NR3C2: variants seen among roughly 807,000 people sequenced by gnomAD.
NR3C2 encodes the protein nuclear receptor subfamily 3 group C member 2, also known as mineralocorticoid receptor.
Under a neutral mutation model 86.4 loss-of-function variants are expected in NR3C2, and 15 were observed. That is an observed-to-expected ratio of 0.17 (90% CI 0.12 to 0.27). NR3C2 has a LOEUF of 0.27. NR3C2 is among the 10% of genes least tolerant of loss of function. The probability of loss-of-function intolerance (pLI) is 1.00; values close to 1 mark genes in which losing one functional copy is unlikely to be tolerated. For synonymous variants in NR3C2, 458 were observed against 450.5 expected (o/e 1.02, Z -0.21); for missense variants, 960 against 1,195.6 (o/e 0.80, Z 2.91).
intron 2 of NR3C2, among the ~76,000 whole-genome samples, chr4:148,318,445 C>G (rs376729597): frequency 3.8e-4 from 56 of 148,606 alleles, no homozygotes; most frequent in Admixed American, 1.8e-3. Context: ...CCTGAGGAAT[C>G]GCCACACTGA....
intron 2 of NR3C2, among the ~76,000 whole-genome samples, chr4:148,351,219 C>T (rs559042088): frequency 6.6e-5 from 10 of 152,190 alleles, no homozygotes; most frequent in Non-Finnish European, 1.0e-4. Context: ...AATCTCAGCT[C>T]ACTGCAACCT....
chr4:148,260,086 A>C lies in NR3C2; in HGVS notation c.1789T>G (p.Ser597Ala), dbSNP rs1320886275. ...ACCAAACATATTTTTGAAGGTCTTGAAGATCCAGTAGAAACACTTCGTAAA... is the reference window on the plus strand; with the variant it reads ...ACCAAACATATTTTTGAAGGTCTTGCAGATCCAGTAGAAACACTTCGTAAA... ...STLRSVSTGS[S>A]RPSKICLVCG... The change falls in exon 3 of 9, where the codon TCA becomes GCA. Residue 597 changes from serine to alanine, a missense_variant. By Grantham distance (99) the Ser-to-Ala change is moderately conservative. This residue lies in a region of NR3C2 where 47 missense variants were observed against 107.3 expected (regional missense o/e 0.44). Coordinates refer to ENST00000358102, the MANE Select transcript of NR3C2 (RefSeq NM_000901.5). 3.7e-6 allele frequency: 6 copies of C among 1,613,966 alleles called. No homozygotes were observed. The highest frequency in any genetic ancestry group is 4.2e-6 in the Non-Finnish European group (5 of 1,179,990).
intron 2 of NR3C2, among the ~76,000 whole-genome samples, chr4:148,380,158 G>A (rs111545633): frequency 3.2e-4 from 49 of 152,136 alleles, no homozygotes; most frequent in African/African-American, 1.1e-3. Flanking sequence ...TCACAAAGTT[G>A]TACAACTATT....
At chr4:148,330,675 T>G (rs944354952) in intron 2 of NR3C2, among the ~76,000 whole-genome samples, 2 of 152,200 alleles carry the variant, frequency 1.3e-5, no homozygotes, top group African/African-American at 4.8e-5. Context: ...TATTCAAAGG[T>G]TTACACACGT....
chr4:148,110,401 G>A (rs1731998309), intron 8 of NR3C2, among the ~76,000 whole-genome samples: 2 of 152,198 alleles, frequency 1.3e-5, no homozygotes, highest in Admixed American at 1.3e-4. Context: ...GTTCTTATGT[G>A]TGTGACCCTT....
intron 1 of NR3C2, among the ~76,000 whole-genome samples, chr4:148,438,331 T>C (rs750526318): frequency 3.3e-5 from 5 of 152,334 alleles, no homozygotes; most frequent in East Asian, 3.9e-4. Flanking sequence ...AAAATCACCC[T>C]TGGCTGACAA....
chr4:148,350,056 G>A (rs1022205722), intron 2 of NR3C2, among the ~76,000 whole-genome samples: 37 of 152,286 alleles, frequency 2.4e-4, no homozygotes, highest in Admixed American at 1.8e-3. Flanking sequence ...ATGGTGCTTA[G>A]AAAGTGAGCT....
intron 2 of NR3C2, among the ~76,000 whole-genome samples, chr4:148,342,474 T>C (rs1313924173): frequency 6.6e-6 from 1 of 152,190 alleles, no homozygotes; most frequent in African/African-American, 2.4e-5. Flanking sequence ...GCTCCATACA[T>C]GTATTGTGAT....
chr4:148,154,134 G>A (rs762797289), intron 5 of NR3C2, among the ~76,000 whole-genome samples: 2 of 151,566 alleles, frequency 1.3e-5, no homozygotes, highest in Non-Finnish European at 2.9e-5. Flanking sequence ...TCAGCCTCCT[G>A]AGTAGCTGGG....
chr4:148,321,166 G>A (rs1388381869), intron 2 of NR3C2, among the ~76,000 whole-genome samples: 1 of 133,084 alleles, frequency 7.5e-6, no homozygotes, highest in Non-Finnish European at 1.7e-5. Flanking sequence ...AGGTTGTTCA[G>A]TTTCCATGTA....
chr4:148,193,082 C>T (rs183147163), intron 4 of NR3C2, among the ~76,000 whole-genome samples: 2 of 152,324 alleles, frequency 1.3e-5, no homozygotes, highest in African/African-American at 4.8e-5. Flanking sequence ...CCTCTGGCCA[C>T]CCTCCCGATG....
chr4:148,356,213 C>A (rs559879736), intron 2 of NR3C2, among the ~76,000 whole-genome samples: 1 of 152,248 alleles, frequency 6.6e-6, no homozygotes, highest in Non-Finnish European at 1.5e-5. Context: ...AAAGTATGAT[C>A]ACTGCATATT....
intron 2 of NR3C2, among the ~76,000 whole-genome samples, chr4:148,430,420 A>T (rs1006701382): frequency 2.6e-5 from 4 of 152,110 alleles, no homozygotes; most frequent in East Asian, 3.8e-4. Flanking sequence ...AAAACACTTA[A>T]TTTTTTTATT....
chr4:148,277,121 A>G (rs1353761749), intron 2 of NR3C2, among the ~76,000 whole-genome samples: 1 of 152,254 alleles, frequency 6.6e-6, no homozygotes, highest in East Asian at 1.9e-4. Flanking sequence ...AACTGGATAT[A>G]TAGCAGCAAA....
chr4:148,148,306 T>G (rs1440528384), intron 6 of NR3C2, among the ~76,000 whole-genome samples: 3 of 152,208 alleles, frequency 2.0e-5, no homozygotes, highest in African/African-American at 7.2e-5. Flanking sequence ...CAATTCTTGT[T>G]GATTTCACCT....
intron 2 of NR3C2, among the ~76,000 whole-genome samples, chr4:148,271,599 A>G (rs1209792163): frequency 1.3e-5 from 2 of 152,078 alleles, no homozygotes; most frequent in Admixed American, 6.6e-5. Flanking sequence ...CTCTATTTTT[A>G]AGGAAAATTT....
chr4:148,291,544 T>A, intron 2 of NR3C2, among the ~76,000 whole-genome samples: 1 of 152,098 alleles, frequency 6.6e-6, no homozygotes, highest in East Asian at 1.9e-4. Context: ...TGAAATCCAA[T>A]TCTCTTTCAT....
At chr4:148,297,370 C>T (rs1168943042) in intron 2 of NR3C2, among the ~76,000 whole-genome samples, 1 of 152,204 alleles carries the variant, frequency 6.6e-6, no homozygotes, top group African/African-American at 2.4e-5. Context: ...TATGCATTTT[C>T]TTATTTAAAA....
chr4:148,345,239 TTTAG>T (rs553059125), intron 2 of NR3C2, among the ~76,000 whole-genome samples: 51 of 152,120 alleles, frequency 3.4e-4, no homozygotes, highest in Admixed American at 2.3e-3. Flanking sequence ...CACTGGATAT[TTTAG>T]TTAGTTTTTT....
Sources: gnomAD v4.1 joint callset for allele counts (sites outside exome capture counted in the v4.1 genomes callset) on GRCh38, gnomAD v4.1.1 for gene constraint, gnomAD v4.1.1 regional missense constraint, MANE v1.5 for transcripts, NCBI Gene and HGNC (gene_info 2026-07-23, HGNC 2026-07-21) for gene names.